ADAM10: variants seen among roughly 807,000 people sequenced by gnomAD.
ADAM10 encodes the protein disintegrin and metalloproteinase domain-containing protein 10.
A neutral mutation model predicts 90.1 loss-of-function variants in ADAM10; 17 were observed. That is an observed-to-expected ratio of 0.19 (90% CI 0.13 to 0.28). The LOEUF is 0.28. Ranked by LOEUF, ADAM10 falls within the 10% of genes least tolerant of loss-of-function variation. ADAM10 has a pLI of 1.00. For missense variants in ADAM10, 610 were observed against 914.3 expected (o/e 0.67, Z 4.29); for synonymous variants, 310 against 298.6 (o/e 1.04, Z -0.40).
chr15:58,622,154 C>A (rs1019693017), intron 10 of ADAM10, among the ~76,000 whole-genome samples: 3 of 152,188 alleles, frequency 2.0e-5, no homozygotes. Context: ...TTTAAAACAA[C>A]CCCACCTAAC....
rs181699032 is a variant in ADAM10 at position 58,590,186 on chromosome 15, A to C, written c.*7361T>G. ...TGTCCCACCCTCCTTTCTCAGTCCTATCTCTGCATTATCAGCTGTGACAAC... is the reference window on the plus strand; with the variant it reads ...TGTCCCACCCTCCTTTCTCAGTCCTCTCTCTGCATTATCAGCTGTGACAAC... On this transcript the variant is annotated 3_prime_UTR_variant, in exon 16 of 16. Coordinates refer to ENST00000260408, the MANE Select transcript of ADAM10 (RefSeq NM_001110.4). 5.9e-5 allele frequency: 9 copies of C among 152,210 alleles called. No homozygotes were observed. In the East Asian group the frequency reaches 1.5e-3, roughly 26 times the overall value. The allele number at this position is 152,210 out of a possible 1,614,324, so 9.4% of individuals were successfully genotyped here. A position where few individuals can be genotyped will look rare whatever the true frequency, so the allele number is the denominator to read the frequency against.
rs1476310510 is a variant in ADAM10 at position 58,590,400 on chromosome 15, T to C, written c.*7147A>G. On this transcript the variant is annotated 3_prime_UTR_variant, in exon 16 of 16. Coordinates refer to ENST00000260408, the MANE Select transcript of ADAM10 (RefSeq NM_001110.4). ...TGTTAAGTTCACTACTGTATTCTTA[T>C]CATCTAGCCAAGGCCCTGGCACAAT... 1.3e-5 allele frequency: 2 copies of C among 152,250 alleles called. No individual in the cohort carries two copies. Among genetic ancestry groups the C allele is most frequent in the East Asian group, 1.9e-4 (1 of 5,198 alleles). The allele number at this position is 152,250 out of a possible 1,614,324, so 9.4% of individuals were successfully genotyped here. A position where few individuals can be genotyped will look rare whatever the true frequency, so the allele number is the denominator to read the frequency against.
At chr15:58,640,186 G>A (rs185131009) in intron 8 of ADAM10, among the ~76,000 whole-genome samples, 16 of 152,156 alleles carry the variant, frequency 1.1e-4, no homozygotes, top group African/African-American at 2.7e-4. Flanking sequence ...GCAGAGACTC[G>A]GCAGAGTATG....
chr15:58,592,020 T>C lies in ADAM10; in HGVS notation c.*5527A>G, dbSNP rs1390810881. The C allele has an allele frequency of 2.6e-5, 4 of 152,276 alleles. No individual in the cohort carries two copies. The highest frequency in any genetic ancestry group is 2.6e-4 in the Admixed American group (4 of 15,280). The allele number at this position is 152,276 out of a possible 1,614,324, so 9.4% of individuals were successfully genotyped here. On this transcript the variant is annotated 3_prime_UTR_variant, in exon 16 of 16. Coordinates refer to ENST00000260408, the MANE Select transcript of ADAM10 (RefSeq NM_001110.4). ...TGTTGAAGCAGGACCATATGTCTTGTAGTTTTCCAGAGTCTGGATTTTGCT... is the reference window on the plus strand; with the variant it reads ...TGTTGAAGCAGGACCATATGTCTTGCAGTTTTCCAGAGTCTGGATTTTGCT...
At position 58,633,349 on chromosome 15, in the gene ADAM10, T is replaced by A. The variant is rs756429726; in HGVS notation, c.1023A>T (p.Gly341=). The A allele has an allele frequency of 6.2e-7, 1 of 1,613,434 alleles. No homozygotes were observed. The highest frequency in any genetic ancestry group is 1.3e-5 in the African/African-American group (1 of 74,896). Residue 341 remains glycine (G), a synonymous_variant, in exon 9 of 16, where the codon GGA becomes GGT. Transcript: ENST00000260408. ...AWVGAPSGSS[G]GICEKSKLYS... The stretch of plus-strand genomic sequence containing the variant: ...AGAGTTTACTTTTTTCACATATTCC[T>A]CCAGAGCTTCCTAATCCAGAACAAA...
At position 58,749,508 on chromosome 15, in the gene ADAM10, C is replaced by G. The variant is rs1304702953; in HGVS notation, c.27G>C (p.Leu9=). 1 of 1,553,826 alleles carries G rather than the reference C, an allele frequency of 6.4e-7. No homozygotes were observed. Among genetic ancestry groups the G allele is most frequent in the Non-Finnish European group, 8.7e-7 (1 of 1,148,570 alleles). ...CCATCCCCGCCGCCCAGGAGAGGAG[C>G]AGAATTAACACTCTCAGCAACACCA... MVLLRVLI[L]LLSWAAGMGG... The change falls in exon 1 of 16, where the codon CTG becomes CTC. Residue 9 remains leucine (L), a synonymous_variant. Coordinates refer to ENST00000260408, the MANE Select transcript of ADAM10 (RefSeq NM_001110.4).
chr15:58,636,424 T>C (rs954752195), intron 8 of ADAM10, among the ~76,000 whole-genome samples: 3 of 152,224 alleles, frequency 2.0e-5, no homozygotes, highest in Non-Finnish European at 2.9e-5. Context: ...AGTTTTGATA[T>C]GCCAGAAAAC....
At chr15:58,602,236 C>T (rs965190580) in intron 14 of ADAM10, among the ~76,000 whole-genome samples, 4 of 152,142 alleles carry the variant, frequency 2.6e-5, no homozygotes, top group Non-Finnish European at 4.4e-5. Context: ...TCTGGCCCAA[C>T]AAGAAGTTCC....
chr15:58,680,383 A>T lies in ADAM10; in HGVS notation c.326-1101T>A, dbSNP rs112919523. 3.5e-3 allele frequency among the ~76,000 whole-genome samples: 533 copies of T among 152,264 alleles called. 5 individuals are homozygous for T. The highest frequency in any genetic ancestry group is 0.012 in the African/African-American group (512 of 41,570). On this transcript the variant is annotated intron_variant, in intron 3 of 15. Coordinates refer to ENST00000260408, the MANE Select transcript of ADAM10 (RefSeq NM_001110.4). ...AACAATCCACCTGCCTCGGCCTCCT[A>T]AAGTGCTGGGATTACAGGCGTGAGT...
intron 14 of ADAM10, among the ~76,000 whole-genome samples, chr15:58,606,111 G>A (rs1166872068): frequency 2.6e-5 from 4 of 152,108 alleles, no homozygotes; most frequent in African/African-American, 7.2e-5. Flanking sequence ...CTCAGCAAAT[G>A]CATTCTGGAC....
chr15:58,690,429 C>T (rs143671315), intron 2 of ADAM10, among the ~76,000 whole-genome samples: 5 of 152,148 alleles, frequency 3.3e-5, no homozygotes, highest in African/African-American at 4.8e-5. Context: ...CTTTTAGTTG[C>T]TAATCCCCAG....
chr15:58,679,970 A>G (rs989194659), intron 3 of ADAM10, among the ~76,000 whole-genome samples: 5 of 152,214 alleles, frequency 3.3e-5, no homozygotes, highest in Non-Finnish European at 5.9e-5. Context: ...ACCCACTGAT[A>G]AAATACACAC....
rs747797013 is a variant in ADAM10 at position 58,701,020 on chromosome 15, AAC to A, written c.206+16555_206+16556del. On this transcript the variant is annotated intron_variant, in intron 2 of 15. Coordinates refer to ENST00000260408, the MANE Select transcript of ADAM10 (RefSeq NM_001110.4). The stretch of plus-strand genomic sequence containing the variant: ...ATTCCAACTTAAAAAAAAACAAAAA[AAC>A]AAAAAAAAAAAAACAGGGCAGAATT... Among the ~76,000 whole-genome samples, 120 of 127,494 alleles carry A rather than the reference AAC, an allele frequency of 9.4e-4. 8 individuals are homozygous for A. Among genetic ancestry groups the A allele is most frequent in the South Asian group, 4.1e-3 (14 of 3,424 alleles). 83.6% of individuals were successfully genotyped at this position (127,494 alleles called of 152,430 possible).
At chr15:58,700,203 A>G (rs1486812165) in intron 2 of ADAM10, among the ~76,000 whole-genome samples, 1 of 152,228 alleles carries the variant, frequency 6.6e-6, no homozygotes, top group African/African-American at 2.4e-5. Context: ...AAAATTAACA[A>G]AGAATCATTG....
chr15:58,684,283 T>C (rs990492360), intron 2 of ADAM10, among the ~76,000 whole-genome samples: 1 of 152,182 alleles, frequency 6.6e-6, no homozygotes, highest in East Asian at 1.9e-4. Flanking sequence ...CCTAAAACCC[T>C]TGGAATATCC....
At position 58,596,734 on chromosome 15, in the gene ADAM10, C is replaced by T. The variant is rs1894963301; in HGVS notation, c.*813G>A. ...GACGTAAGCAGAAACCAGACATCTA[C>T]ATCATGAACTCTGAAGTAGTATGTG... is the stretch of plus-strand genomic sequence containing the variant. On this transcript the variant is annotated 3_prime_UTR_variant, in exon 16 of 16. Transcript: ENST00000260408. 1 of 152,212 alleles carries T rather than the reference C, an allele frequency of 6.6e-6. No homozygotes were observed. The highest frequency in any genetic ancestry group is 2.1e-4 in the South Asian group (1 of 4,828). 9.4% of individuals were successfully genotyped at this position (152,212 alleles called of 1,614,324 possible). A position where few individuals can be genotyped will look rare whatever the true frequency, so the allele number is the denominator to read the frequency against.
At chr15:58,726,923 G>C (rs1466690615) in intron 1 of ADAM10, among the ~76,000 whole-genome samples, 23 of 150,446 alleles carry the variant, frequency 1.5e-4, no homozygotes, top group African/African-American at 5.7e-4. Context: ...AGAGGGAAAA[G>C]GAGAAGACGA....
intron 2 of ADAM10, among the ~76,000 whole-genome samples, chr15:58,706,946 T>C (rs1595640054): frequency 1.5e-5 from 2 of 132,210 alleles, no homozygotes; most frequent in South Asian, 4.9e-4. Flanking sequence ...GACACAGAGG[T>C]TGCAGTGAGC....
chr15:58,698,568 C>A, intron 2 of ADAM10, among the ~76,000 whole-genome samples: 1 of 118,578 alleles, frequency 8.4e-6, no homozygotes. Flanking sequence ...AGAGTGAGAC[C>A]TTGTCTCAAA....
Sources: allele counts gnomAD v4.1 joint callset (sites outside exome capture counted in the v4.1 genomes callset), GRCh38; gene constraint gnomAD v4.1.1; transcripts MANE v1.5; gene names NCBI Gene and HGNC (gene_info 2026-07-23, HGNC 2026-07-21).